The following PDE12 variants were observed in gnomAD, a reference collection of about 807,000 sequenced individuals.
PDE12 encodes the protein 2',5'-phosphodiesterase 12.
Under a neutral mutation model 45.4 loss-of-function variants are expected in PDE12, and 26 were observed. The observed-to-expected ratio is 0.57, with a 90% confidence interval of 0.42 to 0.79. PDE12 has a LOEUF of 0.79. PDE12 is among the 30% of genes least tolerant of loss of function. The pLI is 0.00. For missense variants in PDE12, 668 were observed against 790.0 expected (o/e 0.85, Z 1.85); for synonymous variants, 283 against 323.9 (o/e 0.87, Z 1.36).
chr3:57,591,284 AAAC>A, the PDE12 span, among the ~76,000 whole-genome samples: 1 of 152,190 alleles, frequency 6.6e-6, no homozygotes, highest in East Asian at 1.9e-4. Flanking sequence ...TAGAAAGTGA[AAAC>A]AACCTAATTT....
At chr3:57,599,279 T>A in the PDE12 span, among the ~76,000 whole-genome samples, 2 of 152,188 alleles carry the variant, frequency 1.3e-5, no homozygotes, top group Non-Finnish European at 2.9e-5. Context: ...CAGTCAGATA[T>A]GCGTTTATCT....
At chr3:57,606,917 G>C in the PDE12 span, among the ~76,000 whole-genome samples, 4 of 152,150 alleles carry the variant, frequency 2.6e-5, no homozygotes, top group African/African-American at 9.7e-5. Context: ...CCAGCATGGA[G>C]TCTGAGATCT....
chr3:57,649,747 T>C, the PDE12 span, among the ~76,000 whole-genome samples: 2 of 151,952 alleles, frequency 1.3e-5, no homozygotes, highest in African/African-American at 2.4e-5. Flanking sequence ...GCTTCCCTTC[T>C]GCATGGATAC....
the PDE12 span, among the ~76,000 whole-genome samples, chr3:57,610,186 G>A: frequency 1.3e-5 from 2 of 151,960 alleles, no homozygotes; most frequent in East Asian, 1.9e-4. Flanking sequence ...ATTCAACAAC[G>A]CTTCATGCTA....
rs2069656234 is a variant in PDE12 at position 57,556,285 on chromosome 3, A to T, written c.-95A>T. Reference sequence around the variant, plus strand: ...GCTAGCCGGAAGTCGCGAGATCTGAATGAGTCAAAGCCGGCGGCCTCGGCT... The same window carrying T: ...GCTAGCCGGAAGTCGCGAGATCTGATTGAGTCAAAGCCGGCGGCCTCGGCT... On this transcript the variant is annotated 5_prime_UTR_variant, in exon 1 of 3. The change abolishes an upstream ATG in the 5' untranslated region. Coordinates refer to ENST00000311180, the MANE Select transcript of PDE12 (RefSeq NM_177966.7). This position sits in a 1 kb window ranked among gnomAD's most constrained non-coding sequence, Gnocchi z 5.0. 8.4e-6 allele frequency: 11 copies of T among 1,303,438 alleles called. 1 individual carries two copies. In the South Asian group the frequency reaches 1.7e-4, roughly 20 times the overall value. The allele number at this position is 1,303,438 out of a possible 1,614,324, so 80.7% of individuals were successfully genotyped here.
chr3:57,643,830 A>G, the PDE12 span, among the ~76,000 whole-genome samples: 1 of 151,672 alleles, frequency 6.6e-6, no homozygotes, highest in South Asian at 2.1e-4. Flanking sequence ...CTGTCTCAAA[A>G]AAAAAAAAAA....
the PDE12 span, among the ~76,000 whole-genome samples, chr3:57,572,909 T>A: frequency 1.3e-5 from 2 of 151,176 alleles, no homozygotes; most frequent in Admixed American, 1.3e-4. Flanking sequence ...TTTGAAAGAG[T>A]AGGGTTTGTT....
At chr3:57,572,899 T>C in the PDE12 span, among the ~76,000 whole-genome samples, 7 of 152,092 alleles carry the variant, frequency 4.6e-5, no homozygotes, top group South Asian at 1.5e-3. Context: ...GAGGCAAATT[T>C]TTGAAAGAGT....
chr3:57,645,794 G>A, the PDE12 span: 7 of 1,457,414 alleles, frequency 4.8e-6, no homozygotes, highest in African/African-American at 9.8e-5. Context: ...AAAGGACACA[G>A]AAATTAAAGG....
chr3:57,577,054 T>TAA, the PDE12 span, among the ~76,000 whole-genome samples: 4 of 137,754 alleles, frequency 2.9e-5, no homozygotes, highest in Admixed American at 7.3e-5. Flanking sequence ...TGAGGCATTC[T>TAA]AAAAAAAAAA....
rs2069727879 is a variant in PDE12, at chr3:57,561,506, T to TG, written c.*1503dup. The TG allele has an allele frequency of 1.0e-6, 1 of 984,862 alleles. No individual in the cohort carries two copies. The highest frequency in any genetic ancestry group is 1.7e-5 in the African/African-American group (1 of 57,346). 61.0% of individuals were successfully genotyped at this position (984,862 alleles called of 1,614,324 possible). On this transcript the variant is annotated 3_prime_UTR_variant, in exon 3 of 3. Transcript: ENST00000311180. ...AACTACAAATGGTTATACTGATTAG[T>TG]GTCTAGCCTAGAGTGGTAACCATGC...
the PDE12 span, among the ~76,000 whole-genome samples, chr3:57,615,806 G>GA: frequency 7.0e-4 from 102 of 145,528 alleles, no homozygotes; most frequent in Middle Eastern, 6.9e-3. Flanking sequence ...TCTATCTCAA[G>GA]AAAAAAAAAA....
chr3:57,600,446 C>G, the PDE12 span, among the ~76,000 whole-genome samples: 16 of 149,644 alleles, frequency 1.1e-4, no homozygotes, highest in Non-Finnish European at 1.2e-4. Flanking sequence ...TCCCTTCCCC[C>G]TTCTGTTCCC....
chr3:57,596,407 A>G, the PDE12 span, among the ~76,000 whole-genome samples: 1 of 152,224 alleles, frequency 6.6e-6, no homozygotes, highest in East Asian at 1.9e-4. Flanking sequence ...TTTTGAAAAT[A>G]GTCAAAGAAA....
At chr3:57,621,803 A>G in the PDE12 span, among the ~76,000 whole-genome samples, 1 of 146,200 alleles carries the variant, frequency 6.8e-6, no homozygotes, top group African/African-American at 2.5e-5. Flanking sequence ...TTAAAAAATG[A>G]AAAAAAAAAA....
At chr3:57,614,532 T>TTTTG in the PDE12 span, among the ~76,000 whole-genome samples, 34 of 123,864 alleles carry the variant, frequency 2.7e-4, no homozygotes, top group Admixed American at 3.4e-4. Flanking sequence ...CGTTTTTTTT[T>TTTTG]TTTTGTTTTT....
intron 1 of PDE12, among the ~76,000 whole-genome samples, chr3:57,559,070 A>C (rs1413815582): frequency 6.6e-6 from 1 of 151,794 alleles, no homozygotes. Context: ...AATACAAAAA[A>C]ATTAGCCGGG....
At chr3:57,635,556 G>T in the PDE12 span, among the ~76,000 whole-genome samples, 1 of 152,098 alleles carries the variant, frequency 6.6e-6, no homozygotes. Flanking sequence ...AGACAATCTA[G>T]AGATTATATT....
At chr3:57,645,850 A>G in the PDE12 span, 1 of 799,784 alleles carries the variant, frequency 1.3e-6, no homozygotes, top group Non-Finnish European at 2.0e-6. Flanking sequence ...GTATACACAC[A>G]AAGGGATACT....
Sources: allele counts gnomAD v4.1 joint callset (sites outside exome capture counted in the v4.1 genomes callset), GRCh38; gene constraint gnomAD v4.1.1; non-coding constraint Gnocchi (gnomAD v3.1); transcripts MANE v1.5; gene names NCBI Gene and HGNC (gene_info 2026-07-23, HGNC 2026-07-21).